The following ANO6 variants were observed in gnomAD, a reference collection of about 807,000 sequenced individuals.
ANO6 encodes the protein anoctamin-6.
A neutral mutation model predicts 117.5 loss-of-function variants in ANO6; 106 were observed. The observed-to-expected ratio is 0.90, with a 90% confidence interval of 0.77 to 1.06. ANO6 has a LOEUF of 1.06. Ranked by LOEUF, ANO6 falls within the 50% of genes least tolerant of loss-of-function variation. ANO6 has a pLI of 0.00. For missense variants in ANO6, 955 were observed against 1,121.1 expected (o/e 0.85, Z 2.12); for synonymous variants, 367 against 385.1 (o/e 0.95, Z 0.55).
intron 12 of ANO6, among the ~76,000 whole-genome samples, chr12:45,400,760 G>A (rs1432210479): frequency 1.3e-5 from 2 of 152,152 alleles, no homozygotes; most frequent in African/African-American, 2.4e-5. Context: ...CTCTCCACAG[G>A]TGACAACTGG....
At chr12:45,340,969 C>G (rs902603119) in intron 3 of ANO6, among the ~76,000 whole-genome samples, 2 of 152,152 alleles carry the variant, frequency 1.3e-5, no homozygotes, top group Non-Finnish European at 2.9e-5. Flanking sequence ...AAGTATTCCA[C>G]TAGTTATTTG....
At chr12:45,321,069 T>C (rs1387756362) in intron 2 of ANO6, among the ~76,000 whole-genome samples, 1 of 152,196 alleles carries the variant, frequency 6.6e-6, no homozygotes, top group African/African-American at 2.4e-5. Flanking sequence ...TAACTCTTTA[T>C]CCAATTTGCC....
chr12:45,401,873 C>T lies in ANO6; in HGVS notation c.1465C>T (p.Pro489Ser), dbSNP rs1942798636. 1 of 1,613,938 alleles carries T rather than the reference C, an allele frequency of 6.2e-7. No individual in the cohort carries two copies. Among genetic ancestry groups the T allele is most frequent in the Non-Finnish European group, 8.5e-7 (1 of 1,179,986 alleles). ...SVFIVFSAKLPKNINGTDPIQ... is the reference protein window; with the variant it reads ...SVFIVFSAKLSKNINGTDPIQ... Reference sequence around the variant, plus strand: ...GTTCATTGTATTTTCTGCAAAACTTCCCAAGAACATTAATGGAACAGACCC... The same window carrying T: ...GTTCATTGTATTTTCTGCAAAACTTTCCAAGAACATTAATGGAACAGACCC... Residue 489 changes from proline (P) to serine (S), a missense_variant, in exon 13 of 20, where the codon CCC becomes TCC. Pro to Ser is a moderately conservative substitution (Grantham distance 74, BLOSUM62 -1). Coordinates refer to ENST00000320560, the MANE Select transcript of ANO6 (RefSeq NM_001025356.3).
At chr12:45,293,505 TAA>T (rs67790505) in intron 1 of ANO6, among the ~76,000 whole-genome samples, 1 of 150,388 alleles carries the variant, frequency 6.6e-6, no homozygotes, top group East Asian at 2.0e-4. Context: ...AATCACTCTT[TAA>T]AAAAAAAAAC....
intron 19 of ANO6, among the ~76,000 whole-genome samples, chr12:45,427,248 C>T (rs1375265538): frequency 6.6e-6 from 1 of 152,138 alleles, no homozygotes; most frequent in Non-Finnish European, 1.5e-5. Flanking sequence ...GCTGGGCTTG[C>T]CCTTCCTCTC....
At chr12:45,370,655 T>G (rs1249774279) in intron 9 of ANO6, among the ~76,000 whole-genome samples, 1 of 152,208 alleles carries the variant, frequency 6.6e-6, no homozygotes, top group African/African-American at 2.4e-5. Context: ...TTTCTTATAA[T>G]TTTACAATAA....
intron 1 of ANO6, among the ~76,000 whole-genome samples, chr12:45,235,655 T>C (rs1947634111): frequency 6.6e-6 from 1 of 152,216 alleles, no homozygotes; most frequent in African/African-American, 2.4e-5. Flanking sequence ...CTCCTCATTC[T>C]TCAGTATGGA....
chr12:45,236,611 C>G (rs1947649518), intron 1 of ANO6, among the ~76,000 whole-genome samples: 1 of 152,218 alleles, frequency 6.6e-6, no homozygotes, highest in African/African-American at 2.4e-5. Context: ...GCCACATTTT[C>G]TTAATCCAGT....
chr12:45,336,415 C>G (rs1162168018), intron 3 of ANO6, among the ~76,000 whole-genome samples: 1 of 152,010 alleles, frequency 6.6e-6, no homozygotes, highest in Non-Finnish European at 1.5e-5. Context: ...TATGTTAATA[C>G]TACATTAAAT....
chr12:45,286,825 A>G (rs1565665439), intron 1 of ANO6, among the ~76,000 whole-genome samples: 1 of 152,230 alleles, frequency 6.6e-6, no homozygotes, highest in Non-Finnish European at 1.5e-5. Flanking sequence ...TGAGGGGTAA[A>G]TACTAGTCCC....
chr12:45,258,980 G>T (rs1188106591), intron 1 of ANO6, among the ~76,000 whole-genome samples: 1 of 152,228 alleles, frequency 6.6e-6, no homozygotes, highest in Non-Finnish European at 1.5e-5. Context: ...GGGACAGGAA[G>T]AGGGGAGTAA....
intron 1 of ANO6, among the ~76,000 whole-genome samples, chr12:45,222,185 C>G (rs565064874): frequency 7.0e-5 from 10 of 142,506 alleles, no homozygotes; most frequent in East Asian, 2.1e-4. Context: ...CCGGCCCCCC[C>G]ACTCCAGCTC....
rs1216890067 is a variant in ANO6, at chr12:45,249,944, C to T, written c.70+33553C>T. On this transcript the variant is annotated intron_variant, in intron 1 of 19. Coordinates refer to ENST00000320560, the MANE Select transcript of ANO6 (RefSeq NM_001025356.3). Reference sequence around the variant, plus strand: ...CTTAATGAGAATGCTTCTTACTGAGCAGATCATTAATCTTCAATTTCAGGT... The same window carrying T: ...CTTAATGAGAATGCTTCTTACTGAGTAGATCATTAATCTTCAATTTCAGGT... Among the ~76,000 whole-genome samples the T allele has an allele frequency of 3.9e-5, 6 of 152,168 alleles. No homozygotes were observed. In the East Asian group the frequency reaches 1.2e-3, roughly 29 times the overall value.
At chr12:45,378,530 G>T (rs11183009) in intron 10 of ANO6, among the ~76,000 whole-genome samples, 22,586 of 151,942 alleles carry the variant, frequency 0.15, 2,338 homozygotes, top group East Asian at 0.46. Context: ...TAGCCCAGGA[G>T]TCTTGGTTTC....
At chr12:45,426,507 C>G (rs11183030) in intron 19 of ANO6, among the ~76,000 whole-genome samples, 21,359 of 152,100 alleles carry the variant, frequency 0.14, 2,196 homozygotes, top group East Asian at 0.36. Context: ...GCTTTCACCC[C>G]CTCCACTTCA....
chr12:45,374,520 T>C (rs1383627433), intron 9 of ANO6, among the ~76,000 whole-genome samples: 3 of 82,262 alleles, frequency 3.6e-5, no homozygotes, highest in Non-Finnish European at 7.1e-5. Context: ...CAAGTGGGCT[T>C]CATCCCTGGG....
At chr12:45,394,499 G>A (rs1024425211) in intron 12 of ANO6, among the ~76,000 whole-genome samples, 1 of 152,094 alleles carries the variant, frequency 6.6e-6, no homozygotes, top group African/African-American at 2.4e-5. Context: ...CAGACCTAAT[G>A]GACATCTACA....
chr12:45,317,113 G>GTGTGTGTATATATATA, intron 2 of ANO6, among the ~76,000 whole-genome samples: 5,050 of 66,434 alleles, frequency 0.076, 1,351 homozygotes, highest in East Asian at 0.37. Flanking sequence ...CTTTTTATAT[G>GTGTGTGTATATATATA]TATATATATA....
chr12:45,261,271 G>C (rs1046493761), intron 1 of ANO6, among the ~76,000 whole-genome samples: 1 of 152,216 alleles, frequency 6.6e-6, no homozygotes, highest in Admixed American at 6.5e-5. Flanking sequence ...ACTCGAAAAG[G>C]ATTCAGAACA....
Sources: allele counts gnomAD v4.1 joint callset (sites outside exome capture counted in the v4.1 genomes callset), GRCh38; gene constraint gnomAD v4.1.1; transcripts MANE v1.5; gene names NCBI Gene and HGNC (gene_info 2026-07-23, HGNC 2026-07-21).